Variants in PCDH15 observed in about 807,000 individuals in gnomAD.
The protein encoded by PCDH15 is protocadherin related 15, also known as protocadherin-15.
PCDH15 carries 129 observed loss-of-function variants against 178.5 expected under a neutral mutation model. The observed-to-expected ratio is 0.72, with a 90% CI of 0.63 to 0.84. The LOEUF is 0.84. Among genes scored for constraint, PCDH15 ranks in the 40% least tolerant of loss-of-function variants. PCDH15 has a pLI of 0.00. For missense variants in PCDH15, 2,230 were observed against 2,099.9 expected, an observed-to-expected ratio of 1.06 and a Z score of -1.21; for synonymous variants, 800 against 732.0, an observed-to-expected ratio of 1.09 and a Z score of -1.50.
At chr10:55,273,857 AAAC>A (rs1353183886) in intron 1 of PCDH15, among the ~76,000 whole-genome samples, 3 of 152,148 alleles carry the variant, frequency 2.0e-5, no homozygotes, top group African/African-American at 7.2e-5. Context: ...AAACAATTTG[AAAC>A]AACGATTTGG....
intron 15 of PCDH15, among the ~76,000 whole-genome samples, chr10:54,120,940 TC>T (rs530577849): frequency 8.1e-4 from 123 of 152,000 alleles, no homozygotes; most frequent in Middle Eastern, 3.4e-3. Flanking sequence ...AGCAACTGGA[TC>T]CAATATGCAT....
chr10:55,032,908 T>A (rs1840646778), intron 2 of PCDH15, among the ~76,000 whole-genome samples: 1 of 152,094 alleles, frequency 6.6e-6, no homozygotes, highest in Non-Finnish European at 1.5e-5. Flanking sequence ...CTCCTTCAAG[T>A]CTCTGCACCC....
intron 1 of PCDH15, among the ~76,000 whole-genome samples, chr10:54,664,522 C>A (rs1193781291): frequency 6.6e-6 from 1 of 151,954 alleles, no homozygotes; most frequent in Non-Finnish European, 1.5e-5. Flanking sequence ...TTTAATTTGC[C>A]AGCAAGTAGG....
intron 21 of PCDH15, among the ~76,000 whole-genome samples, chr10:53,963,986 T>C (rs1432951372): frequency 6.6e-6 from 1 of 152,232 alleles, no homozygotes; most frequent in Non-Finnish European, 1.5e-5. Context: ...AAAACATTTC[T>C]TTTTTGCCTA....
intron 9 of PCDH15, among the ~76,000 whole-genome samples, chr10:54,227,040 T>G (rs1446378705): frequency 6.6e-6 from 1 of 152,094 alleles, no homozygotes; most frequent in East Asian, 1.9e-4. Context: ...TGTCTGTAGT[T>G]TTTCCAGAGG....
chr10:55,626,903 C>G (rs1837540871), intron 2 of PCDH15, among the ~76,000 whole-genome samples: 1 of 151,978 alleles, frequency 6.6e-6, no homozygotes. Flanking sequence ...GTTCCATTCT[C>G]TCTAAATTCA....
intron 2 of PCDH15, among the ~76,000 whole-genome samples, chr10:55,100,746 C>T (rs1842558036): frequency 6.6e-6 from 1 of 152,124 alleles, no homozygotes; most frequent in Non-Finnish European, 1.5e-5. Flanking sequence ...AGGGGTCAAC[C>T]TCCATGACCC....
intron 2 of PCDH15, among the ~76,000 whole-genome samples, chr10:55,611,170 TC>T (rs2132159746): frequency 6.6e-6 from 1 of 152,068 alleles, no homozygotes; most frequent in South Asian, 2.1e-4. Flanking sequence ...TGAGATTACA[TC>T]AAACTAAAGA....
chr10:55,478,260 A>G (rs796329629), intron 2 of PCDH15, among the ~76,000 whole-genome samples: 54 of 151,878 alleles, frequency 3.6e-4, no homozygotes, highest in African/African-American at 1.2e-3. Flanking sequence ...TGGATTGATC[A>G]TTCACACAGA....
chr10:54,302,914 G>A (rs2060228062), intron 8 of PCDH15, among the ~76,000 whole-genome samples: 1 of 152,076 alleles, frequency 6.6e-6, no homozygotes. Context: ...ATATCAAAGT[G>A]TTTCATGTAC....
intron 1 of PCDH15, among the ~76,000 whole-genome samples, chr10:54,672,760 A>C (rs2135524140): frequency 6.6e-6 from 1 of 152,290 alleles, no homozygotes; most frequent in South Asian, 2.1e-4. Context: ...TCAATTATAT[A>C]CAATAAATTA....
At chr10:54,965,910 A>C (rs1410794640) in intron 2 of PCDH15, among the ~76,000 whole-genome samples, 1 of 150,948 alleles carries the variant, frequency 6.6e-6, no homozygotes, top group African/African-American at 2.4e-5. Flanking sequence ...ATAATATATT[A>C]TGTAAGTGTA....
chr10:54,316,529 T>TACACACACAC (rs35604056), intron 8 of PCDH15, among the ~76,000 whole-genome samples: 5 of 132,188 alleles, frequency 3.8e-5, no homozygotes, highest in South Asian at 2.5e-4. Flanking sequence ...AATATGTGTA[T>TACACACACAC]ACACACACAC....
intron 2 of PCDH15, among the ~76,000 whole-genome samples, chr10:55,003,493 T>C (rs1839845496): frequency 6.6e-6 from 1 of 152,124 alleles, no homozygotes; most frequent in African/African-American, 2.4e-5. Context: ...GAAGTATTTA[T>C]AGCCTTTAAC....
intron 2 of PCDH15, among the ~76,000 whole-genome samples, chr10:55,097,296 G>A (rs574407354): frequency 6.6e-6 from 1 of 152,192 alleles, no homozygotes; most frequent in East Asian, 1.9e-4. Flanking sequence ...TAAGGTGGGT[G>A]TTTTCTAATC....
At chr10:55,180,487 T>C (rs1381490633) in intron 1 of PCDH15, among the ~76,000 whole-genome samples, 2 of 152,158 alleles carry the variant, frequency 1.3e-5, no homozygotes, top group Non-Finnish European at 2.9e-5. Flanking sequence ...TTGTATTAAT[T>C]CACTCATCTA....
chr10:55,231,769 A>G (rs1318588683), intron 1 of PCDH15, among the ~76,000 whole-genome samples: 1 of 152,040 alleles, frequency 6.6e-6, no homozygotes, highest in Non-Finnish European at 1.5e-5. Context: ...ACAGTGAAAA[A>G]GATACAGCTA....
Position 54,664,202 on chromosome 10 carries a change from A to T in PCDH15, c.61T>A (p.Phe21Ile). 6.2e-7 allele frequency: 1 copy of T among 1,612,414 alleles called. No individual in the cohort carries two copies. The highest frequency in any genetic ancestry group is 8.5e-7 in the Non-Finnish European group (1 of 1,178,946). ...TCATACTGGCCCAAGCAGATTTCAAAGAGAGAGCCCAGGATGATCCCTGAA... is the reference window on the plus strand; with the variant it reads ...TCATACTGGCCCAAGCAGATTTCAATGAGAGAGCCCAGGATGATCCCTGAA... The part of the protein sequence containing the change: ...LASGIILGSL[F>I]EICLGQYDDD... The change falls in exon 2 of 38, where the codon TTT becomes ATT. Residue 21 changes from phenylalanine to isoleucine, a missense_variant. By Grantham distance (21) the Phe-to-Ile change is conservative (BLOSUM62 0). Coordinates refer to ENST00000644397, the MANE Select transcript of PCDH15 (RefSeq NM_001384140.1).
At chr10:54,456,254 G>T (rs919788111) in intron 3 of PCDH15, among the ~76,000 whole-genome samples, 2 of 152,198 alleles carry the variant, frequency 1.3e-5, no homozygotes, top group East Asian at 1.9e-4. Flanking sequence ...CAGCTGAAGG[G>T]GGGGCATACC....
Sources: gnomAD v4.1 joint callset for allele counts (sites outside exome capture counted in the v4.1 genomes callset) on GRCh38, gnomAD v4.1.1 for gene constraint, MANE v1.5 for transcripts, NCBI Gene and HGNC (gene_info 2026-07-23, HGNC 2026-07-21) for gene names.